Variants in RAPH1 observed in about 807,000 individuals in gnomAD.
RAPH1 encodes the protein Ras association (RalGDS/AF-6) and pleckstrin homology domains 1.
RAPH1 carries 18 observed loss-of-function variants against 88.1 expected under a neutral mutation model. The observed-to-expected ratio is 0.20, with a 90% CI of 0.14 to 0.30. The LOEUF is 0.30. RAPH1 is among the 10% of genes least tolerant of loss of function. The pLI is 1.00. For synonymous variants in RAPH1, 587 were observed against 559.0 expected, an observed-to-expected ratio of 1.05 and a Z score of -0.71; for missense variants, 1,448 against 1,543.2, an observed-to-expected ratio of 0.94 and a Z score of 1.03.
intron 1 of RAPH1, 78 bp from the exon 2 acceptor site, chr2:203,495,431 T>A: frequency 7.3e-7 from 1 of 1,373,940 alleles, no homozygotes; most frequent in Non-Finnish European, 1.0e-6. Flanking sequence ...TATGCTCTGA[T>A]ATATATTATA....
intron 1 of RAPH1, among the ~76,000 whole-genome samples, chr2:203,513,663 C>A (rs1008308832): frequency 6.7e-6 from 1 of 150,238 alleles, no homozygotes; most frequent in African/African-American, 2.4e-5. Context: ...GGTGAAACCC[C>A]GTCTCTACTA....
intron 2 of RAPH1, among the ~76,000 whole-genome samples, chr2:203,493,405 G>C (rs527311231): frequency 2.6e-5 from 4 of 152,076 alleles, no homozygotes; most frequent in African/African-American, 9.7e-5. Flanking sequence ...AAACCACATG[G>C]TCAAGAACAC....
rs754904769 is a variant in RAPH1 at position 203,455,468 on chromosome 2, C to A, written c.1271G>T (p.Gly424Val). Residue 424 changes from glycine to valine, a missense_variant, in exon 9 of 14, where the codon GGT (glycine) becomes GTT (valine). Around this residue, in one of 2 missense-constraint regions of RAPH1, gnomAD observed 513 missense variants for 653.1 expected, o/e 0.79. Coordinates refer to ENST00000319170, the MANE Select transcript of RAPH1 (RefSeq NM_213589.3). ...TTTTCCTTTGGGAACATAGTAGATACCAGATGCTCGCAAGAGAAAATAACG... is the reference window on the plus strand; with the variant it reads ...TTTTCCTTTGGGAACATAGTAGATAACAGATGCTCGCAAGAGAAAATAACG... ...KKRYFLLRAS[G>V]IYYVPKGKAK... 2 of 1,613,934 alleles carry A rather than the reference C, an allele frequency of 1.2e-6. No individual in the cohort carries two copies. The highest frequency in any genetic ancestry group is 4.5e-5 in the East Asian group (2 of 44,848).
At chr2:203,452,751 C>T (rs1681897771) in intron 10 of RAPH1, among the ~76,000 whole-genome samples, 1 of 152,180 alleles carries the variant, frequency 6.6e-6, no homozygotes, top group Non-Finnish European at 1.5e-5. Flanking sequence ...CACTTGAGGC[C>T]AGTCTGACCA....
rs1383820931 is a variant in RAPH1 at position 203,439,820 on chromosome 2, G to C, written c.3370C>G (p.Arg1124Gly). ...MSVKKAPPPT[R>G]PKRNDSTRLT... The stretch of plus-strand genomic sequence containing the variant: ...CGGGTGCTATCATTCCGTTTGGGTC[G>C]TGTGGGTGGAGGGGCCTTCTTCACT... Residue 1124 changes from arginine to glycine, a missense_variant, in exon 14 of 14, where the codon CGA (arginine) becomes GGA (glycine). Arg to Gly is a moderately radical substitution (Grantham distance 125). Coordinates refer to ENST00000319170, the MANE Select transcript of RAPH1 (RefSeq NM_213589.3). The C allele has an allele frequency of 6.2e-7, 1 of 1,614,128 alleles. No individual in the cohort carries two copies. Among genetic ancestry groups the C allele is most frequent in the Non-Finnish European group, 8.5e-7 (1 of 1,180,024 alleles).
intron 1 of RAPH1, among the ~76,000 whole-genome samples, chr2:203,503,225 A>C (rs1237875649): frequency 6.6e-6 from 1 of 152,186 alleles, no homozygotes; most frequent in African/African-American, 2.4e-5. Flanking sequence ...TTTACATTAG[A>C]TTTTCATAAT....
intron 1 of RAPH1, among the ~76,000 whole-genome samples, chr2:203,497,477 T>C (rs1688568685): frequency 6.6e-6 from 1 of 152,196 alleles, no homozygotes. Context: ...TATTTCACTA[T>C]ATAAAATTTT....
In RAPH1 at chr2:203,440,617, A is replaced by T; in HGVS notation, c.2573T>A (p.Val858Glu). The T allele has an allele frequency of 8.4e-6, 13 of 1,544,316 alleles. No individual in the cohort carries two copies. Among genetic ancestry groups the T allele is most frequent in the Non-Finnish European group, 1.1e-5 (13 of 1,145,022 alleles). The change falls in exon 14 of 14, where the codon GTG (valine) becomes GAG (glutamate). Residue 858 changes from valine (V) to glutamate (E), a missense_variant. By Grantham distance (121) the Val-to-Glu change is moderately radical. Transcript: ENST00000319170. The part of the protein sequence containing the change: ...AKPPPSPLSP[V>E]PSVVKQIASQ... ...GGCTATCTGCTTCACGACCGAGGGC[A>T]CCGGTGACAGTGGAGAGGGAGGGGG... is the stretch of plus-strand genomic sequence containing the variant.
chr2:203,440,301 C>T lies in RAPH1; in HGVS notation c.2889G>A (p.Thr963=), dbSNP rs138950117. ...GTGGTTTCTTTCCCCCAGGGCTGGACGTCTTACTGGTCTTTTTGCCTGGAG... is the reference window on the plus strand; with the variant it reads ...GTGGTTTCTTTCCCCCAGGGCTGGATGTCTTACTGGTCTTTTTGCCTGGAG... The part of the protein sequence containing the change: ...SGSPGKKTSK[T]SSPGGKKPPP... The change falls in exon 14 of 14, where the codon ACG becomes ACA. Residue 963 remains threonine (T), a synonymous_variant. Coordinates refer to ENST00000319170, the MANE Select transcript of RAPH1 (RefSeq NM_213589.3). 6.2e-5 allele frequency: 100 copies of T among 1,613,000 alleles called. No homozygotes were observed. The highest frequency in any genetic ancestry group is 7.0e-5 in the Non-Finnish European group (82 of 1,179,800).
At position 203,441,249 on chromosome 2, in the gene RAPH1, GGGAGGAGGGGGT is replaced by G; in HGVS notation, c.1929_1940del (p.Pro645_Pro648del). The G allele has an allele frequency of 7.2e-7, 1 of 1,396,714 alleles. No individual in the cohort carries two copies. 86.5% of individuals were successfully genotyped at this position (1,396,714 alleles called of 1,614,324 possible). ...AAGGTGCAGACTGGCTGGGGAGTGG[GGGAGGAGGGGGT>G]GGTGGAGGGGGTGGTGGAGGAGGAG... On this transcript the variant is annotated inframe_deletion, in exon 14 of 14. Transcript: ENST00000319170.
At chr2:203,523,161 A>G (rs1689965667) in intron 1 of RAPH1, among the ~76,000 whole-genome samples, 1 of 152,242 alleles carries the variant, frequency 6.6e-6, no homozygotes, top group East Asian at 1.9e-4. Context: ...TGGGAGGCCG[A>G]GGCGGGCGGA....
Position 203,439,225 on chromosome 2 carries a change from ATATACAC to A in RAPH1, c.*205_*211del. 1.9e-6 allele frequency: 1 copy of A among 524,064 alleles called. No homozygotes were observed. Among genetic ancestry groups the A allele is most frequent in the Non-Finnish European group, 3.4e-6 (1 of 294,684 alleles). 32.5% of individuals were successfully genotyped at this position (524,064 alleles called of 1,614,324 possible). A position where few individuals can be genotyped will look rare whatever the true frequency, so the allele number is the denominator to read the frequency against. On this transcript the variant is annotated 3_prime_UTR_variant, in exon 14 of 14. Transcript: ENST00000319170. ...TAGAATAACTCTCAGCTCTCTCTCT[ATATACAC>A]ATACACATACATATATGTATACATA...
chr2:203,491,065 A>G, intron 3 of RAPH1, 149 bp downstream of exon 3: 1 of 518,122 alleles, frequency 1.9e-6, no homozygotes, highest in Non-Finnish European at 3.3e-6. Flanking sequence ...AAAAAAGAAA[A>G]AAGAAAAGAA....
chr2:203,503,567 G>A (rs1200074766), intron 1 of RAPH1, among the ~76,000 whole-genome samples: 1 of 152,156 alleles, frequency 6.6e-6, no homozygotes, highest in Non-Finnish European at 1.5e-5. Context: ...TACAATTCAA[G>A]TTGAGATTTG....
chr2:203,451,122 A>T (rs574411313), intron 10 of RAPH1, among the ~76,000 whole-genome samples: 1 of 152,224 alleles, frequency 6.6e-6, no homozygotes, highest in East Asian at 1.9e-4. Flanking sequence ...AAAGGCATTC[A>T]TTACTTTCCT....
rs752353671 is a variant in RAPH1 at position 203,448,310 on chromosome 2, A to T, written c.1513-231T>A. Among the ~76,000 whole-genome samples, 1 of 152,206 alleles carries T rather than the reference A, an allele frequency of 6.6e-6. No individual in the cohort carries two copies. The highest frequency in any genetic ancestry group is 1.5e-5 in the Non-Finnish European group (1 of 68,030). ...ACACTTGATTCTGTTTGTTATAAAC[A>T]TTAATGTTTTTTCACCCCAAATTCT... On this transcript the variant is annotated intron_variant, in intron 11 of 13. Coordinates refer to ENST00000319170, the MANE Select transcript of RAPH1 (RefSeq NM_213589.3). The surrounding 1 kb of genome is among the most constrained non-coding windows in gnomAD (Gnocchi z 4.1).
At chr2:203,489,385 C>G (rs1470362985) in intron 4 of RAPH1, among the ~76,000 whole-genome samples, 199 bp downstream of exon 4, 1 of 152,134 alleles carries the variant, frequency 6.6e-6, no homozygotes, top group African/African-American at 2.4e-5. Context: ...AAAAAAGAAA[C>G]TAAATTTCTT....
chr2:203,495,980 A>C (rs1688491607), intron 1 of RAPH1, among the ~76,000 whole-genome samples: 1 of 152,244 alleles, frequency 6.6e-6, no homozygotes, highest in Non-Finnish European at 1.5e-5. Context: ...GAAAACTTCT[A>C]AATCCAGATC....
intron 1 of RAPH1, among the ~76,000 whole-genome samples, chr2:203,526,224 T>C (rs772064149): frequency 2.0e-5 from 3 of 152,164 alleles, no homozygotes; most frequent in Non-Finnish European, 2.9e-5. Context: ...CTAACGTTTT[T>C]TAAAAAAATG....
Sources: allele counts gnomAD v4.1 joint callset (sites outside exome capture counted in the v4.1 genomes callset), GRCh38; gene constraint gnomAD v4.1.1; regional missense constraint gnomAD v4.1.1; non-coding constraint Gnocchi (gnomAD v3.1); transcripts MANE v1.5; gene names NCBI Gene and HGNC (gene_info 2026-07-23, HGNC 2026-07-21).